Variants in LINGO2 observed in about 807,000 individuals in gnomAD.
LINGO2 encodes leucine-rich repeat and immunoglobulin-like domain-containing nogo receptor-interacting protein 2.
In LINGO2, 14 loss-of-function variants were observed where a neutral mutation model predicts 30.6. The ratio of observed to expected loss-of-function variants is 0.46; its 90% CI spans 0.30 to 0.72. The LOEUF (loss-of-function observed/expected upper bound fraction) is 0.72, where lower values mean the gene tolerates loss of function less well. Among genes scored for constraint, LINGO2 ranks in the 30% least tolerant of loss-of-function variants. LINGO2 has a pLI of 0.07. For missense variants in LINGO2, 729 were observed against 751.7 expected (o/e 0.97, Z 0.35); for synonymous variants, 317 against 288.5 (o/e 1.10, Z -1.00).
chr9:28,104,077 C>A (rs929781933), intron 4 of LINGO2, among the ~76,000 whole-genome samples: 1 of 151,886 alleles, frequency 6.6e-6, no homozygotes, highest in African/African-American at 2.4e-5. Context: ...AATAATTCTG[C>A]TGGACACAAA....
chr9:28,774,160 T>C, the LINGO2 span, among the ~76,000 whole-genome samples: 1 of 152,104 alleles, frequency 6.6e-6, no homozygotes, highest in African/African-American at 2.4e-5. Context: ...CTTTCTCTTT[T>C]GATTTTAATT....
chr9:28,761,694 G>T, the LINGO2 span, among the ~76,000 whole-genome samples: 173 of 152,016 alleles, frequency 1.1e-3, 2 homozygotes, highest in African/African-American at 3.6e-3. Flanking sequence ...AACCTTATAT[G>T]AGTAAAAACA....
At chr9:28,208,454 G>C (rs1018676280) in intron 4 of LINGO2, among the ~76,000 whole-genome samples, 7 of 152,174 alleles carry the variant, frequency 4.6e-5, no homozygotes, top group African/African-American at 1.4e-4. Flanking sequence ...ATTTAAGGAA[G>C]CTAGAATTAT....
intron 1 of LINGO2, among the ~76,000 whole-genome samples, chr9:28,545,765 T>C (rs1821905403): frequency 1.3e-5 from 2 of 152,024 alleles, no homozygotes; most frequent in South Asian, 4.1e-4. Flanking sequence ...CCTATTGTAT[T>C]CTAGGTATAC....
chr9:28,058,952 T>C (rs539106410), intron 4 of LINGO2, among the ~76,000 whole-genome samples: 1 of 152,302 alleles, frequency 6.6e-6, no homozygotes, highest in African/African-American at 2.4e-5. Flanking sequence ...TTGGTGTGCA[T>C]GCTCACATTT....
the LINGO2 span, among the ~76,000 whole-genome samples, chr9:28,996,706 T>G: frequency 6.6e-6 from 1 of 152,226 alleles, no homozygotes; most frequent in Non-Finnish European, 1.5e-5. Context: ...AATTCTGAGA[T>G]TTATCAAGGA....
chr9:29,071,698 A>G, the LINGO2 span, among the ~76,000 whole-genome samples: 1 of 151,872 alleles, frequency 6.6e-6, no homozygotes, highest in East Asian at 1.9e-4. Context: ...ACAGTTTTGC[A>G]AAGGAGGTTT....
Position 28,071,728 on chromosome 9 carries a change from G to A in LINGO2, c.-86-59323C>T, listed in dbSNP as rs1338618380. Among the ~76,000 whole-genome samples, 4 of 151,978 alleles carry A rather than the reference G, an allele frequency of 2.6e-5. No homozygotes were observed. The East Asian group carries it at 7.7e-4, about 29-fold the overall frequency. On this transcript the variant is annotated intron_variant, in intron 4 of 5. Transcript: ENST00000379992. ...GTGATAAAAACTGGATATACATCCA[G>A]GTCCATTTGGTTCTAAGAGCTGTCT...
intron 4 of LINGO2, among the ~76,000 whole-genome samples, chr9:28,271,978 C>G (rs560642155): frequency 9.2e-5 from 14 of 152,288 alleles, no homozygotes; most frequent in Non-Finnish European, 1.6e-4. Context: ...AACACCTCAT[C>G]GGAATCTGTT....
intron 4 of LINGO2, among the ~76,000 whole-genome samples, chr9:28,135,386 A>C (rs541923541): frequency 9.9e-5 from 15 of 152,232 alleles, no homozygotes; most frequent in African/African-American, 3.1e-4. Context: ...GATTAAAAGG[A>C]ATACTTGGGA....
chr9:28,174,639 T>C (rs1363768881), intron 4 of LINGO2, among the ~76,000 whole-genome samples: 1 of 152,228 alleles, frequency 6.6e-6, no homozygotes, highest in African/African-American at 2.4e-5. Flanking sequence ...TGCATGATTT[T>C]CTTTGGCTCT....
chr9:28,729,032 A>C, the LINGO2 span, among the ~76,000 whole-genome samples: 2 of 152,122 alleles, frequency 1.3e-5, no homozygotes, highest in African/African-American at 2.4e-5. Flanking sequence ...TGTTCTCTAG[A>C]CTGGGGGACT....
chr9:28,350,610 G>A (rs1438817276), intron 3 of LINGO2, among the ~76,000 whole-genome samples: 11 of 148,988 alleles, frequency 7.4e-5, no homozygotes, highest in Non-Finnish European at 1.5e-4. Flanking sequence ...AAGTCAAGAA[G>A]GATACCCAGG....
intron 5 of LINGO2, among the ~76,000 whole-genome samples, chr9:27,967,256 G>A (rs941915188): frequency 6.6e-6 from 1 of 152,128 alleles, no homozygotes; most frequent in Non-Finnish European, 1.5e-5. Flanking sequence ...TGAAGACATC[G>A]AGGGACTTGG....
At chr9:28,570,663 T>C (rs1467636051) in intron 1 of LINGO2, among the ~76,000 whole-genome samples, 1 of 151,876 alleles carries the variant, frequency 6.6e-6, no homozygotes, top group African/African-American at 2.4e-5. Context: ...CATCTGTTTT[T>C]GTTGTGGGAA....
At chr9:29,153,562 C>A in the LINGO2 span, among the ~76,000 whole-genome samples, 1 of 152,038 alleles carries the variant, frequency 6.6e-6, no homozygotes, top group Non-Finnish European at 1.5e-5. Flanking sequence ...AACTTTAGAA[C>A]TAAAAATAGA....
rs534107196 is a variant in LINGO2, at chr9:28,176,673, A to G, written c.-87+118535T>C. Reference sequence around the variant, plus strand: ...TGAGGCAGATATTTTTATTATTTCTATATTGAAGATAAGGAAATTAAAACT... The same window carrying G: ...TGAGGCAGATATTTTTATTATTTCTGTATTGAAGATAAGGAAATTAAAACT... On this transcript the variant is annotated intron_variant, in intron 4 of 5. Transcript: ENST00000379992. Among the ~76,000 whole-genome samples, 11 of 152,320 alleles carry G rather than the reference A, an allele frequency of 7.2e-5. 1 individual carries two copies. In the East Asian group the frequency reaches 2.1e-3, roughly 29 times the overall value.
intron 3 of LINGO2, among the ~76,000 whole-genome samples, chr9:28,370,381 A>G (rs1820847182): frequency 6.6e-6 from 1 of 152,056 alleles, no homozygotes; most frequent in South Asian, 2.1e-4. Flanking sequence ...AAACCCAGCC[A>G]TCTTTCTTTG....
chr9:28,003,532 C>T (rs773858049), intron 5 of LINGO2, among the ~76,000 whole-genome samples: 27 of 152,136 alleles, frequency 1.8e-4, no homozygotes, highest in Admixed American at 5.2e-4. Context: ...AATCTCGGCT[C>T]ACTGCAAGCT....
Sources: allele counts gnomAD v4.1 joint callset (sites outside exome capture counted in the v4.1 genomes callset), GRCh38; gene constraint gnomAD v4.1.1; transcripts MANE v1.5; gene names NCBI Gene and HGNC (gene_info 2026-07-23, HGNC 2026-07-21).